DTNB: variants seen among roughly 807,000 people sequenced by gnomAD.
DTNB encodes DTN-B.
DTNB carries 63 observed loss-of-function variants against 90.7 expected under a neutral mutation model. That is an observed-to-expected ratio of 0.69 (90% CI 0.57 to 0.86). The LOEUF is 0.86. DTNB is among the 40% of genes least tolerant of loss of function. The pLI, the probability that DTNB is intolerant of heterozygous loss-of-function variation, is 0.00. For synonymous variants in DTNB, 277 were observed against 286.7 expected, an observed-to-expected ratio of 0.97 and a Z score of 0.34; for missense variants, 744 against 807.1, an observed-to-expected ratio of 0.92 and a Z score of 0.95.
At chr2:25,586,822 C>T (rs925294308) in intron 6 of DTNB, among the ~76,000 whole-genome samples, 13 of 152,110 alleles carry the variant, frequency 8.5e-5, no homozygotes, top group African/African-American at 2.9e-4. Flanking sequence ...AGAATATAAA[C>T]AAAGACAAAA....
chr2:25,494,541 C>A (rs1322605599), intron 9 of DTNB, among the ~76,000 whole-genome samples: 2 of 152,004 alleles, frequency 1.3e-5, no homozygotes, highest in African/African-American at 2.4e-5. Context: ...TAAATACTAA[C>A]TAAATTCATA....
intron 2 of DTNB, among the ~76,000 whole-genome samples, chr2:25,648,987 TCCTA>T (rs2080156111): frequency 2.7e-5 from 4 of 146,774 alleles, no homozygotes; most frequent in Non-Finnish European, 6.0e-5. Context: ...ACGCTATCCT[TCCTA>T]CCTTTTTTTT....
intron 16 of DTNB, among the ~76,000 whole-genome samples, chr2:25,399,219 T>C (rs567227621): frequency 9.2e-5 from 14 of 152,020 alleles, no homozygotes; most frequent in African/African-American, 3.4e-4. Context: ...CAGCTAATTT[T>C]TGTATTTTTA....
At chr2:25,525,316 C>A (rs2076880663) in intron 9 of DTNB, among the ~76,000 whole-genome samples, 1 of 152,042 alleles carries the variant, frequency 6.6e-6, no homozygotes, top group South Asian at 2.1e-4. Context: ...ACACAGGAGA[C>A]CACAGTTTTA....
intron 7 of DTNB, 78 bp from the exon 8 acceptor site, chr2:25,577,082 C>T (rs2060799640): frequency 7.1e-7 from 1 of 1,416,630 alleles, no homozygotes; most frequent in Non-Finnish European, 9.4e-7. Flanking sequence ...AATAAAATTT[C>T]ACTTGGAGAA....
At chr2:25,568,136 G>A (rs1219468222) in intron 8 of DTNB, among the ~76,000 whole-genome samples, 8 of 149,800 alleles carry the variant, frequency 5.3e-5, no homozygotes, top group South Asian at 2.1e-4. Flanking sequence ...CCAGCCTGGC[G>A]ACACAGGGAG....
intron 16 of DTNB, among the ~76,000 whole-genome samples, chr2:25,404,979 G>A (rs765131249): frequency 5.3e-5 from 8 of 152,088 alleles, no homozygotes; most frequent in Non-Finnish European, 1.0e-4. Context: ...TCTGTCTGGA[G>A]TGCACTCAGG....
chr2:25,651,221 T>G (rs1167487057), intron 2 of DTNB, among the ~76,000 whole-genome samples: 1 of 152,246 alleles, frequency 6.6e-6, no homozygotes, highest in Non-Finnish European at 1.5e-5. Flanking sequence ...TTATCTCATT[T>G]AATCTTCACA....
At chr2:25,401,099 C>T (rs919617445) in intron 16 of DTNB, among the ~76,000 whole-genome samples, 1 of 152,198 alleles carries the variant, frequency 6.6e-6, no homozygotes, top group Non-Finnish European at 1.5e-5. Flanking sequence ...CAAGGTCACA[C>T]ACAAAATCAG....
intron 1 of DTNB, chr2:25,673,081 C>G (rs1454394191): frequency 6.6e-6 from 1 of 152,192 alleles, no homozygotes; most frequent in Non-Finnish European, 1.5e-5. Context: ...ATCAGCCCGG[C>G]GCCGGGCCCC....
At chr2:25,412,296 G>C (rs1283744349) in intron 16 of DTNB, among the ~76,000 whole-genome samples, 1 of 152,114 alleles carries the variant, frequency 6.6e-6, no homozygotes, top group African/African-American at 2.4e-5. Context: ...GTATTTGTCT[G>C]GGTCTTGGAA....
At chr2:25,639,378 T>C in intron 2 of DTNB, 1 of 258,740 alleles carries the variant, frequency 3.9e-6, no homozygotes, top group Non-Finnish European at 7.4e-6. Flanking sequence ...GAACTATGAT[T>C]AGGAAAGGGG....
intron 6 of DTNB, among the ~76,000 whole-genome samples, chr2:25,591,001 G>C (rs2063461304): frequency 6.6e-6 from 1 of 152,228 alleles, no homozygotes; most frequent in African/African-American, 2.4e-5. Context: ...CAAAGTCCGG[G>C]GGTGCTGAGG....
rs769065617 is a variant in DTNB, at chr2:25,628,351, G to C, written c.182C>G (p.Ala61Gly). 16 of 1,613,258 alleles carry C rather than the reference G, an allele frequency of 9.9e-6. No individual in the cohort carries two copies. In the African/African-American group the frequency reaches 2.0e-4, roughly 20 times the overall value. ...HLVDIWNMIE[A>G]FRDNGLNTLD... is the part of the protein sequence containing the mutation. ...TGTATTAAGGCCATTGTCTCGGAAG[G>C]CTTCAATCATGTTCCAGATATCAAC... The change falls in exon 4 of 21, where the codon GCC (alanine) becomes GGC (glycine). Residue 61 changes from alanine (A) to glycine (G), a missense_variant. Coordinates refer to ENST00000406818, the MANE Select transcript of DTNB (RefSeq NM_021907.5).
Position 25,531,457 on chromosome 2 carries a change from C to T in DTNB, c.1001+16G>A, listed in dbSNP as rs1575444862. 1.2e-6 allele frequency: 2 copies of T among 1,606,586 alleles called. No individual in the cohort carries two copies. Among genetic ancestry groups the T allele is most frequent in the Admixed American group, 1.7e-5 (1 of 57,818 alleles). On this transcript the variant is annotated intron_variant, in intron 9 of 20. Coordinates refer to ENST00000406818, the MANE Select transcript of DTNB (RefSeq NM_021907.5). ...ATTTCAGTGTGATCCACATGCACAT[C>T]CAGGGGTATACTTACACTATATGTG...
At position 25,563,884 on chromosome 2, in the gene DTNB, CT is replaced by C. The variant is rs373957524; in HGVS notation, c.876+12953del. On this transcript the variant is annotated intron_variant, in intron 8 of 20. Transcript: ENST00000406818. ...GTGTGAGTCTTCCAAATTTGCTATT[CT>C]TTTTTTTTCTTTTTTCTTTTTTTGA... is the stretch of plus-strand genomic sequence containing the variant. Among the ~76,000 whole-genome samples the C allele has an allele frequency of 3.3e-5, 5 of 151,558 alleles. 1 individual carries two copies. The highest frequency in any genetic ancestry group is 1.2e-4 in the African/African-American group (5 of 41,244).
At chr2:25,639,975 T>C (rs1020466625) in intron 2 of DTNB, among the ~76,000 whole-genome samples, 2 of 152,176 alleles carry the variant, frequency 1.3e-5, no homozygotes, top group African/African-American at 4.8e-5. Context: ...AGCCTTCAAA[T>C]GATTCAAGCC....
At chr2:25,643,396 T>C (rs1158241789) in intron 2 of DTNB, among the ~76,000 whole-genome samples, 1 of 152,216 alleles carries the variant, frequency 6.6e-6, no homozygotes, top group Non-Finnish European at 1.5e-5. Context: ...TTTGTTGTTG[T>C]TTCTGTTCAC....
At chr2:25,534,722 T>C (rs1175735070) in intron 8 of DTNB, among the ~76,000 whole-genome samples, 12 of 128,810 alleles carry the variant, frequency 9.3e-5, no homozygotes, top group East Asian at 2.5e-4. Context: ...GGCAGAGGCG[T>C]TCCTCACATT....
Sources: allele counts gnomAD v4.1 joint callset (sites outside exome capture counted in the v4.1 genomes callset), GRCh38; gene constraint gnomAD v4.1.1; transcripts MANE v1.5; gene names NCBI Gene and HGNC (gene_info 2026-07-23, HGNC 2026-07-21).